RGS10: variants seen among roughly 807,000 people sequenced by gnomAD.
RGS10 encodes the protein regulator of G protein signaling 10.
RGS10 carries 11 observed loss-of-function variants against 23.5 expected under a neutral mutation model. The ratio of observed to expected loss-of-function variants is 0.47; its 90% confidence interval spans 0.29 to 0.77. The LOEUF is 0.77. Among genes scored for constraint, RGS10 ranks in the 30% least tolerant of loss-of-function variants. The pLI, the probability that RGS10 is intolerant of heterozygous loss-of-function variation, is 0.08. For synonymous variants in RGS10, 77 were observed against 83.2 expected (o/e 0.92, Z 0.41); for missense variants, 180 against 226.3 (o/e 0.80, Z 1.31).
intron 4 of RGS10, among the ~76,000 whole-genome samples, chr10:119,504,021 C>T (rs1449962805): frequency 1.3e-5 from 2 of 152,184 alleles, no homozygotes; most frequent in Non-Finnish European, 2.9e-5. Flanking sequence ...CTCTGCAGCC[C>T]CCACTCCCAA....
chr10:119,507,439 C>T (rs1844027250), intron 4 of RGS10, among the ~76,000 whole-genome samples: 1 of 152,126 alleles, frequency 6.6e-6, no homozygotes, highest in African/African-American at 2.4e-5. Context: ...ACCCCTCTTA[C>T]TTACGTTGAA....
chr10:119,508,434 T>C (rs2133946772), intron 4 of RGS10, among the ~76,000 whole-genome samples: 1 of 152,364 alleles, frequency 6.6e-6, no homozygotes, highest in East Asian at 1.9e-4. Context: ...TGCAATGATC[T>C]GGACCTTTCT....
chr10:119,542,557 AC>A, intron 1 of RGS10, 32 bp downstream of exon 1: 2 of 1,375,716 alleles, frequency 1.5e-6, no homozygotes, highest in East Asian at 3.1e-5. Context: ...CGGCGCCCCG[AC>A]CCCGAGCCCG....
At chr10:119,502,132 AG>A (rs1266406405) in intron 4 of RGS10, among the ~76,000 whole-genome samples, 1 of 151,156 alleles carries the variant, frequency 6.6e-6, no homozygotes, top group Non-Finnish European at 1.5e-5. Context: ...TGAGGTTTAC[AG>A]AAAAAAAAAA....
rs888954005 is a variant in RGS10, at chr10:119,524,897, C to T, written c.255+1135G>A. Among the ~76,000 whole-genome samples the T allele has an allele frequency of 6.6e-6, 1 of 152,000 alleles. No individual in the cohort carries two copies. Among genetic ancestry groups the T allele is most frequent in the Non-Finnish European group, 1.5e-5 (1 of 68,024 alleles). ...ATCCAGGAGGATGGGTGTCTGCGCC[C>T]GGAAAGGCCTTTGAATAAACCCATG... On this transcript the variant is annotated intron_variant, in intron 3 of 4. Coordinates refer to ENST00000369103, the MANE Select transcript of RGS10 (RefSeq NM_001005339.2). This position sits in a 1 kb window ranked among gnomAD's most constrained non-coding sequence, Gnocchi z 5.2.
At chr10:119,513,765 C>T (rs747004002) in intron 4 of RGS10, among the ~76,000 whole-genome samples, 15 of 152,158 alleles carry the variant, frequency 9.9e-5, no homozygotes, top group Non-Finnish European at 2.1e-4. Flanking sequence ...CTTTCCAATC[C>T]CTCTGCTCCA....
chr10:119,522,684 C>G (rs1224067287), intron 3 of RGS10, among the ~76,000 whole-genome samples: 1 of 148,210 alleles, frequency 6.7e-6, no homozygotes, highest in Admixed American at 6.9e-5. Flanking sequence ...TGCCACTGCA[C>G]TCTAGCCTGG....
chr10:119,517,072 G>A lies in RGS10; in HGVS notation c.256-1420C>T, dbSNP rs541158849. On this transcript the variant is annotated intron_variant, in intron 3 of 4. Transcript: ENST00000369103. This position sits in a 1 kb window ranked among gnomAD's most constrained non-coding sequence, Gnocchi z 5.0. ...CAACTGGGGCTCCGCATGTGCTGTG[G>A]GGCTTGGTTTGGGAAATCCCAAGCT... Among the ~76,000 whole-genome samples the A allele has an allele frequency of 6.6e-6, 1 of 152,316 alleles. No individual in the cohort carries two copies. Among genetic ancestry groups the A allele is most frequent in the South Asian group, 2.1e-4 (1 of 4,826 alleles).
intron 1 of RGS10, among the ~76,000 whole-genome samples, chr10:119,535,915 T>G (rs912606992): frequency 3.3e-5 from 5 of 152,236 alleles, no homozygotes; most frequent in African/African-American, 1.2e-4. Context: ...CCCACAAAAC[T>G]TATTTAAAAC....
intron 4 of RGS10, among the ~76,000 whole-genome samples, chr10:119,502,410 C>A (rs540152991): frequency 6.6e-5 from 10 of 152,314 alleles, no homozygotes; most frequent in African/African-American, 2.4e-4. Context: ...CAGTCCTGTA[C>A]CCACTCCCAC....
At chr10:119,519,554 C>G (rs796243956) in intron 3 of RGS10, among the ~76,000 whole-genome samples, 3 of 128,178 alleles carry the variant, frequency 2.3e-5, no homozygotes, top group Non-Finnish European at 5.0e-5. Flanking sequence ...TCCCCCAGCT[C>G]CTGTCTCCCT....
At position 119,537,245 on chromosome 10, in the gene RGS10, G is replaced by C. The variant is rs1291013203; in HGVS notation, c.49+5345C>G. On this transcript the variant is annotated intron_variant, in intron 1 of 4. Coordinates refer to ENST00000369103, the MANE Select transcript of RGS10 (RefSeq NM_001005339.2). ...TAAAAATACAAAATTAGCCAGGCGT[G>C]GTGGTGCATGCGTGTAATCCCAGCT... Among the ~76,000 whole-genome samples the C allele has an allele frequency of 2.0e-5, 3 of 152,078 alleles. No homozygotes were observed. The East Asian group carries it at 5.8e-4, about 29-fold the overall frequency.
intron 4 of RGS10, among the ~76,000 whole-genome samples, chr10:119,504,896 G>A (rs1843993145): frequency 6.6e-6 from 1 of 152,192 alleles, no homozygotes; most frequent in South Asian, 2.1e-4. Context: ...ACACCTTGAT[G>A]TCATATTTTC....
intron 4 of RGS10, among the ~76,000 whole-genome samples, chr10:119,505,289 A>C: frequency 6.6e-6 from 1 of 151,806 alleles, no homozygotes; most frequent in Non-Finnish European, 1.5e-5. Context: ...TGAAGCGGAA[A>C]ACTCAAGTTG....
chr10:119,512,126 G>A (rs897753605), intron 4 of RGS10, among the ~76,000 whole-genome samples: 3 of 134,402 alleles, frequency 2.2e-5, no homozygotes, highest in Admixed American at 7.5e-5. Flanking sequence ...CAGCGGAGCC[G>A]CACGTGGTGA....
At chr10:119,504,921 G>A (rs990041444) in intron 4 of RGS10, among the ~76,000 whole-genome samples, 3 of 152,196 alleles carry the variant, frequency 2.0e-5, no homozygotes, top group African/African-American at 4.8e-5. Context: ...CGTTTCTGCT[G>A]AGCGAATACG....
chr10:119,528,532 C>T (rs984647829), intron 1 of RGS10, among the ~76,000 whole-genome samples: 3 of 152,018 alleles, frequency 2.0e-5, no homozygotes, highest in Non-Finnish European at 4.4e-5. Flanking sequence ...GATGTTTCTG[C>T]ATTAATTTTG....
At chr10:119,521,557 C>T (rs1052043176) in intron 3 of RGS10, among the ~76,000 whole-genome samples, 4 of 126,722 alleles carry the variant, frequency 3.2e-5, no homozygotes, top group Admixed American at 9.6e-5. Context: ...GCAACAAGAG[C>T]GAAACCCCAT....
chr10:119,513,758 T>C (rs1214148027), intron 4 of RGS10, among the ~76,000 whole-genome samples: 1 of 152,112 alleles, frequency 6.6e-6, no homozygotes, highest in South Asian at 2.1e-4. Context: ...ACAAAGCCTT[T>C]CCAATCCCTC....
Sources: gnomAD v4.1 joint callset for allele counts (sites outside exome capture counted in the v4.1 genomes callset) on GRCh38, gnomAD v4.1.1 for gene constraint, Gnocchi (gnomAD v3.1) non-coding constraint, MANE v1.5 for transcripts, NCBI Gene and HGNC (gene_info 2026-07-23, HGNC 2026-07-21) for gene names.